RFX5: variants seen among roughly 807,000 people sequenced by gnomAD.
RFX5 encodes the protein regulatory factor X5, also known as DNA-binding protein RFX5.
RFX5 carries 30 observed loss-of-function variants against 41.2 expected under a neutral mutation model. The ratio of observed to expected loss-of-function variants is 0.73; its 90% CI spans 0.54 to 0.99. The LOEUF is 0.99. Among genes scored for constraint, RFX5 ranks in the 50% least tolerant of loss-of-function variants. The probability of loss-of-function intolerance (pLI) is 0.00; values close to 1 mark genes in which losing one functional copy is unlikely to be tolerated. For synonymous variants in RFX5, 231 were observed against 291.8 expected (o/e 0.79, Z 2.12); for missense variants, 715 against 773.6 (o/e 0.92, Z 0.90).
In RFX5 at chr1:151,341,928, A is replaced by G. The variant is rs182432421; in HGVS notation, c.*258T>C. The G allele has an allele frequency of 3.5e-5, 24 of 676,520 alleles. No individual in the cohort carries two copies. The East Asian group carries it at 4.4e-4, about 12-fold the overall frequency. 41.9% of individuals were successfully genotyped at this position (676,520 alleles called of 1,614,324 possible). A position where few individuals can be genotyped will look rare whatever the true frequency, so the allele number is the denominator to read the frequency against. ...TATTCATCATACTTAGCCCATTCCTACCTTCCCACAGGATAGCACAGGGAA... is the reference window on the plus strand; with the variant it reads ...TATTCATCATACTTAGCCCATTCCTGCCTTCCCACAGGATAGCACAGGGAA... On this transcript the variant is annotated 3_prime_UTR_variant, in exon 11 of 11. Coordinates refer to ENST00000452671, the MANE Select transcript of RFX5 (RefSeq NM_001025603.2).
intron 8 of RFX5, 117 bp from the exon 9 acceptor site, chr1:151,343,999 G>C: frequency 8.4e-7 from 1 of 1,194,964 alleles, no homozygotes; most frequent in Non-Finnish European, 1.2e-6. Flanking sequence ...GATGGGAGTA[G>C]CCTCTACCTA....
At chr1:151,345,416 T>C (rs771666184) in intron 4 of RFX5, 4 of 435,824 alleles carry the variant, frequency 9.2e-6, no homozygotes, top group Non-Finnish European at 1.7e-5. Context: ...GAGACCATCC[T>C]GGCTAACATG....
Position 151,340,645 on chromosome 1 carries a change from T to C in RFX5, c.*1541A>G, listed in dbSNP as rs1039424490. On this transcript the variant is annotated 3_prime_UTR_variant, in exon 11 of 11. Transcript: ENST00000452671. ...AGGGAGGAACACAAACACAATGGTA[T>C]TTAAAATGTTTTAATGTATATGTGT... is the stretch of plus-strand genomic sequence containing the variant. 1 of 152,500 alleles carries C rather than the reference T, an allele frequency of 6.6e-6. No individual in the cohort carries two copies. The highest frequency in any genetic ancestry group is 1.5e-5 in the Non-Finnish European group (1 of 68,010). The allele number at this position is 152,500 out of a possible 1,614,324, so 9.4% of individuals were successfully genotyped here.
intron 10 of RFX5, 45 bp downstream of exon 10, chr1:151,343,297 G>A (rs1289742750): frequency 3.1e-6 from 5 of 1,607,872 alleles, no homozygotes; most frequent in Non-Finnish European, 3.4e-6. Context: ...GATATACTAA[G>A]CCCCCAGCCC....
Position 151,341,759 on chromosome 1 carries a change from T to C in RFX5, c.*427A>G. On this transcript the variant is annotated 3_prime_UTR_variant, in exon 11 of 11. Coordinates refer to ENST00000452671, the MANE Select transcript of RFX5 (RefSeq NM_001025603.2). ...AAAGTCAGTCCGGTATTTAGAGACA[T>C]ACTGAACTACTGGGTCAAGTCTTCA... 2.9e-6 allele frequency: 1 copy of C among 339,216 alleles called. No homozygotes were observed. Among genetic ancestry groups the C allele is most frequent in the South Asian group, 2.4e-5 (1 of 41,452 alleles). 21.0% of individuals were successfully genotyped at this position (339,216 alleles called of 1,614,324 possible). A position where few individuals can be genotyped will look rare whatever the true frequency, so the allele number is the denominator to read the frequency against.
chr1:151,345,140 G>GA lies in RFX5; in HGVS notation c.198dup (p.Gln67SerfsTer21), dbSNP rs1490473148. The GA allele has an allele frequency of 3.7e-6, 6 of 1,613,954 alleles. No homozygotes were observed. The Admixed American group carries it at 1.0e-4, about 27-fold the overall frequency. On this transcript the variant is annotated frameshift_variant, in exon 5 of 11. Transcript: ENST00000452671. LOFTEE classifies it high-confidence loss of function. ...CCAGTGGTGGGTCCTGAGGGGAGCT[G>GA]AAGGTAGAGATACAGCTTGTCATTG...
Position 151,343,826 on chromosome 1 carries a change from C to T in RFX5, c.612G>A (p.Ala204=), listed in dbSNP as rs145006845. The T allele has an allele frequency of 1.2e-5, 20 of 1,613,988 alleles. No homozygotes were observed. In the East Asian group the frequency reaches 2.4e-4, roughly 20 times the overall value. The stretch of plus-strand genomic sequence containing the variant: ...CTGCCCAGTCACAGGTCAGGGCACA[C>T]GCTGCCTCCACCAGTTCATCTCGAG... ...PAPRDELVEA[A]CALTCDWAER... Residue 204 remains alanine, a synonymous_variant, in exon 9 of 11, where the codon GCG becomes GCA. Transcript: ENST00000452671.
intron 3 of RFX5, 26 bp from the exon 4 acceptor site, chr1:151,345,987 G>C (rs1467808062): frequency 1.9e-6 from 3 of 1,613,988 alleles, no homozygotes; most frequent in Non-Finnish European, 2.5e-6. Context: ...GAAAGCTGGA[G>C]GTCACACACA....
In RFX5 at chr1:151,342,590, G is replaced by A. The variant is rs750820095; in HGVS notation, c.1447C>T (p.Pro483Ser). Residue 483 changes from proline (P) to serine (S), a missense_variant, in exon 11 of 11, where the codon CCT becomes TCT. By Grantham distance (74) the Pro-to-Ser change is moderately conservative. Transcript: ENST00000452671. ...SGGSGERNSTPLKSAAAMESA... is the reference protein window; with the variant it reads ...SGGSGERNSTSLKSAAAMESA... Reference sequence around the variant, plus strand: ...TCCATGGCAGCTGCTGACTTGAGAGGGGTAGAATTCCTTTCCCCACTTCCA... The same window carrying A: ...TCCATGGCAGCTGCTGACTTGAGAGAGGTAGAATTCCTTTCCCCACTTCCA... 4 of 1,614,048 alleles carry A rather than the reference G, an allele frequency of 2.5e-6. No individual in the cohort carries two copies. The African/African-American group carries it at 5.3e-5, about 22-fold the overall frequency.
intron 1 of RFX5, 64 bp from the exon 2 acceptor site, chr1:151,346,670 T>TG: frequency 3.2e-6 from 1 of 312,478 alleles, no homozygotes; most frequent in African/African-American, 2.2e-5. Flanking sequence ...TTTCTGCCTC[T>TG]GACCCCATAC....
At chr1:151,345,556 G>A (rs955752837) in intron 4 of RFX5, 20 of 350,634 alleles carry the variant, frequency 5.7e-5, no homozygotes, top group African/African-American at 3.6e-4. Context: ...AGCTTGCAGT[G>A]AGCCGAGATT....
intron 9 of RFX5, 25 bp downstream of exon 9, chr1:151,343,656 G>A (rs1650720228): frequency 6.2e-7 from 1 of 1,610,812 alleles, no homozygotes; most frequent in Non-Finnish European, 8.5e-7. Context: ...CAGGGTTGCT[G>A]AGACATAAGA....
At chr1:151,346,010 T>C in intron 3 of RFX5, 49 bp from the exon 4 acceptor site, 1 of 1,613,902 alleles carries the variant, frequency 6.2e-7, no homozygotes, top group Non-Finnish European at 8.5e-7. Context: ...ATTTTCCCTG[T>C]CTCTTTATCT....
chr1:151,346,248 C>T lies in RFX5; in HGVS notation c.73G>A (p.Gly25Arg). Residue 25 changes from glycine to arginine, a missense_variant, in exon 3 of 11, where the codon GGG (glycine) becomes AGG (arginine). Gly to Arg is a moderately radical substitution (Grantham distance 125). Transcript: ENST00000452671. Reference protein sequence around the residue: ...GRAPPGGAEAGEPTTLLQRLR... With the variant: ...GRAPPGGAEAREPTTLLQRLR... Reference sequence around the variant, plus strand: ...CTCTGAAGAAGGGTGGTAGGTTCCCCAGCCTCAGCACCACCTGGGGGGGCC... The same window carrying T: ...CTCTGAAGAAGGGTGGTAGGTTCCCTAGCCTCAGCACCACCTGGGGGGGCC... The T allele has an allele frequency of 1.2e-6, 2 of 1,614,196 alleles. No individual in the cohort carries two copies. Among genetic ancestry groups the T allele is most frequent in the Non-Finnish European group, 1.7e-6 (2 of 1,180,032 alleles).
chr1:151,345,358 C>A (rs1451101034), intron 4 of RFX5, 170 bp from the exon 5 acceptor site: 2 of 580,320 alleles, frequency 3.4e-6, no homozygotes, highest in Middle Eastern at 3.5e-4. Flanking sequence ...GCCTACAATC[C>A]CAGCACTTTG....
At chr1:151,345,533 A>T (rs1650944730) in intron 4 of RFX5, 1 of 356,760 alleles carries the variant, frequency 2.8e-6, no homozygotes, top group Non-Finnish European at 5.3e-6. Flanking sequence ...AATGGCGTGA[A>T]CCTGGGAGGC....
In RFX5 at chr1:151,346,512, T is replaced by C; in HGVS notation, c.-37A>G. On this transcript the variant is annotated 5_prime_UTR_variant, in exon 2 of 11. Coordinates refer to ENST00000452671, the MANE Select transcript of RFX5 (RefSeq NM_001025603.2). ...GCCTTCTCCGAAAATTAGAAATTAT[T>C]CCATTACTTCGCCAGGCCCATATAT... 1.7e-6 allele frequency: 1 copy of C among 582,480 alleles called. No homozygotes were observed. Among genetic ancestry groups the C allele is most frequent in the Non-Finnish European group, 3.1e-6 (1 of 326,558 alleles). 36.1% of individuals were successfully genotyped at this position (582,480 alleles called of 1,614,324 possible).
At position 151,342,480 on chromosome 1, in the gene RFX5, C is replaced by T. The variant is rs754082670; in HGVS notation, c.1557G>A (p.Gly519=). Reference sequence around the variant, plus strand: ...CCCCCTTTTCAGCCTCTCCCATTGGCCCTGGCCTCTCTGCCCCTCCAGCTG... The same window carrying T: ...CCCCCTTTTCAGCCTCTCCCATTGGTCCTGGCCTCTCTGCCCCTCCAGCTG... ...GNSAGGAERP[G]PMGEAEKGAV... The change falls in exon 11 of 11, where the codon GGG becomes GGA. Residue 519 remains glycine, a synonymous_variant. Coordinates refer to ENST00000452671, the MANE Select transcript of RFX5 (RefSeq NM_001025603.2). 1.2e-6 allele frequency: 2 copies of T among 1,614,160 alleles called. No individual in the cohort carries two copies. The highest frequency in any genetic ancestry group is 1.7e-6 in the Non-Finnish European group (2 of 1,180,012).
In RFX5 at chr1:151,342,355, A is replaced by G. The variant is rs754286485; in HGVS notation, c.1682T>C (p.Val561Ala). The change falls in exon 11 of 11, where the codon GTC (valine) becomes GCC (alanine). Residue 561 changes from valine (V) to alanine (A), a missense_variant. Transcript: ENST00000452671. ...TKEAEDKIPL[V>A]PSKVSVIKGS... ...CTTGATGACACTCACTTTTGAGGGG[A>G]CCAAGGGAATTTTATCTTCTGCTTC... 6.2e-7 allele frequency: 1 copy of G among 1,614,060 alleles called. No individual in the cohort carries two copies. The highest frequency in any genetic ancestry group is 1.1e-5 in the South Asian group (1 of 91,080).
Sources: allele counts gnomAD v4.1 joint callset, GRCh38; gene constraint gnomAD v4.1.1; transcripts MANE v1.5; gene names NCBI Gene and HGNC (gene_info 2026-07-23, HGNC 2026-07-21).